The following MAPK10 variants were observed in gnomAD, a reference collection of about 807,000 sequenced individuals.
MAPK10 encodes the protein mitogen-activated protein kinase 10.
MAPK10 carries 25 observed loss-of-function variants against 59.3 expected under a neutral mutation model. The ratio of observed to expected loss-of-function variants is 0.42; its 90% CI spans 0.31 to 0.59. The LOEUF is 0.59. Among genes scored for constraint, MAPK10 ranks in the 20% least tolerant of loss-of-function variants. MAPK10 has a pLI of 0.15. For missense variants in MAPK10, 351 were observed against 568.9 expected (o/e 0.62, Z 3.90); for synonymous variants, 190 against 200.5 (o/e 0.95, Z 0.44).
intron 1 of MAPK10, among the ~76,000 whole-genome samples, chr4:86,545,036 G>C (rs529658364): frequency 6.6e-6 from 1 of 152,268 alleles, no homozygotes; most frequent in African/African-American, 2.4e-5. Flanking sequence ...CCATGTTTCT[G>C]TGTTGTTTTT....
chr4:86,132,635 A>G (rs1005548941), intron 4 of MAPK10, among the ~76,000 whole-genome samples: 8 of 152,272 alleles, frequency 5.3e-5, no homozygotes, highest in Non-Finnish European at 8.8e-5. Context: ...CAAAGCTTCA[A>G]CTGTATTTAC....
At chr4:86,454,191 A>T (rs987264697), upstream of MAPK10, among the ~76,000 whole-genome samples, 1 of 152,198 alleles carries the variant, frequency 6.6e-6, no homozygotes, top group Non-Finnish European at 1.5e-5. Context: ...CTCTGGTAAT[A>T]TGATGAAACA....
At chr4:86,169,290 A>G (rs1037549199) in intron 3 of MAPK10, among the ~76,000 whole-genome samples, 2 of 152,192 alleles carry the variant, frequency 1.3e-5, no homozygotes, top group Non-Finnish European at 2.9e-5. Flanking sequence ...AATTCAAACC[A>G]AAGGCAAAGA....
At chr4:86,091,536 A>ATTTTTT (rs71657508) in intron 9 of MAPK10, 30 of 67,460 alleles carry the variant, frequency 4.4e-4, no homozygotes, top group East Asian at 1.1e-3. Context: ...AAATCCCTTG[A>ATTTTTT]TTTTTTTTTT....
chr4:86,043,423 T>C (rs1313640243), intron 11 of MAPK10, among the ~76,000 whole-genome samples: 1 of 151,988 alleles, frequency 6.6e-6, no homozygotes, highest in African/African-American at 2.4e-5. Context: ...AGGCCACTGG[T>C]GAATTTAGAG....
intron 11 of MAPK10, among the ~76,000 whole-genome samples, chr4:86,062,696 G>A (rs2045968592): frequency 6.6e-6 from 1 of 151,958 alleles, no homozygotes. Context: ...TATATAAAAT[G>A]TTTATCAACA....
intron 12 of MAPK10, among the ~76,000 whole-genome samples, chr4:86,030,431 A>C (rs1381745688): frequency 6.6e-6 from 1 of 152,110 alleles, no homozygotes; most frequent in Admixed American, 6.5e-5. Flanking sequence ...CCTGGACTCA[A>C]GTGATCCTCC....
intron 6 of MAPK10, chr4:86,102,270 C>T: frequency 2.5e-6 from 1 of 394,712 alleles, no homozygotes; most frequent in Non-Finnish European, 4.5e-6. Flanking sequence ...AGATTTGTTA[C>T]CTTAATTTTG....
chr4:86,305,516 T>C (rs2095550974), intron 2 of MAPK10, among the ~76,000 whole-genome samples: 1 of 152,092 alleles, frequency 6.6e-6, no homozygotes, highest in South Asian at 2.1e-4. Flanking sequence ...TTTTCCTAAG[T>C]TTTAATAACA....
chr4:86,422,034 C>T (rs1480738631), intron 1 of MAPK10, among the ~76,000 whole-genome samples: 1 of 152,164 alleles, frequency 6.6e-6, no homozygotes, highest in Non-Finnish European at 1.5e-5. Flanking sequence ...ACATTTCTGC[C>T]TAAAGTGGCC....
At chr4:86,128,015 C>A (rs1262039534) in intron 4 of MAPK10, among the ~76,000 whole-genome samples, 1 of 151,934 alleles carries the variant, frequency 6.6e-6, no homozygotes, top group Non-Finnish European at 1.5e-5. Context: ...GATTAGATTT[C>A]TTTCAGTAAG....
chr4:86,337,643 G>A (rs1255661146), intron 2 of MAPK10, among the ~76,000 whole-genome samples: 1 of 152,168 alleles, frequency 6.6e-6, no homozygotes, highest in Non-Finnish European at 1.5e-5. Context: ...TTGTATAAGT[G>A]CCTGGATCAA....
intron 1 of MAPK10, among the ~76,000 whole-genome samples, chr4:86,410,871 CG>C (rs1745071469): frequency 6.6e-6 from 1 of 151,884 alleles, no homozygotes; most frequent in Non-Finnish European, 1.5e-5. Context: ...ATTGATTTTT[CG>C]GAAGGGTTTT....
At chr4:86,205,186 G>C (rs1325803498) in intron 2 of MAPK10, among the ~76,000 whole-genome samples, 1 of 151,924 alleles carries the variant, frequency 6.6e-6, no homozygotes, top group African/African-American at 2.4e-5. Context: ...ACCAAAGAGA[G>C]CTAGTATCTT....
At chr4:86,335,644 C>T (rs186593696) in intron 2 of MAPK10, among the ~76,000 whole-genome samples, 2 of 151,696 alleles carry the variant, frequency 1.3e-5, no homozygotes, top group Non-Finnish European at 2.9e-5. Context: ...TAAAGACATA[C>T]CTGAGGCTGG....
At chr4:86,496,523 A>G (rs1057342812) in intron 1 of MAPK10, among the ~76,000 whole-genome samples, 1 of 152,210 alleles carries the variant, frequency 6.6e-6, no homozygotes, top group Non-Finnish European at 1.5e-5. Flanking sequence ...TACAAAGTAC[A>G]TGATACAACA....
intron 9 of MAPK10, among the ~76,000 whole-genome samples, chr4:86,087,971 C>T (rs1335789211): frequency 1.3e-5 from 2 of 152,002 alleles, no homozygotes; most frequent in Non-Finnish European, 2.9e-5. Context: ...CACATTAAAA[C>T]CCCATTATTA....
intron 1 of MAPK10, among the ~76,000 whole-genome samples, chr4:86,437,960 T>C (rs1198691456): frequency 6.6e-6 from 1 of 152,230 alleles, no homozygotes; most frequent in Non-Finnish European, 1.5e-5. Flanking sequence ...TTTAATCTCA[T>C]AAACATGTTG....
At position 86,592,920 on chromosome 4, in the gene MAPK10, G is replaced by T. The variant is rs569328345; in HGVS notation, c.-263+990C>A. ...TTTTAGCTATAATTGTTCTCAAATT[G>T]TTTCAAGAGTGCTAGTTTTCTTTCT... On this transcript the variant is annotated intron_variant, in intron 1 of 4. Coordinates refer to the MAPK10 transcript ENST00000502302. Among the ~76,000 whole-genome samples, 15 of 152,288 alleles carry T rather than the reference G, an allele frequency of 9.8e-5. 1 individual carries two copies. The highest frequency in any genetic ancestry group is 3.4e-3 in the Middle Eastern group (1 of 294).
Sources: gnomAD v4.1 joint callset for allele counts (sites outside exome capture counted in the v4.1 genomes callset) on GRCh38, gnomAD v4.1.1 for gene constraint, MANE v1.5 for transcripts, NCBI Gene and HGNC (gene_info 2026-07-23, HGNC 2026-07-21) for gene names.